Variants in TLE4 observed in about 807,000 individuals in gnomAD.
TLE4 encodes transducin-like enhancer protein 4.
Under a neutral mutation model 92.8 loss-of-function variants are expected in TLE4, and 8 were observed. The ratio of observed to expected loss-of-function variants is 0.09; its 90% CI spans 0.05 to 0.16. TLE4 has a LOEUF of 0.16. Ranked by LOEUF, TLE4 falls within the 10% of genes least tolerant of loss-of-function variation. The probability of loss-of-function intolerance (pLI) is 1.00; values close to 1 mark genes in which losing one functional copy is unlikely to be tolerated. For missense variants in TLE4, 675 were observed against 997.6 expected (o/e 0.68, Z 4.36); for synonymous variants, 371 against 374.1 (o/e 0.99, Z 0.10).
At chr9:79,681,984 C>T (rs2064790205) in intron 8 of TLE4, among the ~76,000 whole-genome samples, 1 of 151,836 alleles carries the variant, frequency 6.6e-6, no homozygotes, top group African/African-American at 2.4e-5. Context: ...TTAGTTTGAA[C>T]TTACCTCACT....
intron 14 of TLE4, among the ~76,000 whole-genome samples, chr9:79,718,368 G>A (rs1156538720): frequency 6.6e-6 from 1 of 152,158 alleles, no homozygotes; most frequent in East Asian, 1.9e-4. Flanking sequence ...GGTTTATAGG[G>A]CATCCCTGAA....
chr9:79,670,209 GA>G (rs921565739), intron 8 of TLE4, among the ~76,000 whole-genome samples: 16 of 149,910 alleles, frequency 1.1e-4, no homozygotes, highest in African/African-American at 2.7e-4. Context: ...AAAAAAGAAA[GA>G]AAAAAAAACT....
At chr9:79,587,172 A>G (rs1343313594) in intron 4 of TLE4, among the ~76,000 whole-genome samples, 5 of 152,260 alleles carry the variant, frequency 3.3e-5, no homozygotes, top group Non-Finnish European at 7.3e-5. Flanking sequence ...TGAATGATGG[A>G]ACAGCTAAAG....
At chr9:79,576,352 A>G in intron 4 of TLE4, 175 bp downstream of exon 4, 1 of 391,792 alleles carries the variant, frequency 2.6e-6, no homozygotes, top group Non-Finnish European at 4.6e-6. Flanking sequence ...TTTCTTTCAT[A>G]TTATCCTAAT....
At chr9:79,711,546 G>T (rs536314467) in intron 14 of TLE4, among the ~76,000 whole-genome samples, 1 of 152,248 alleles carries the variant, frequency 6.6e-6, no homozygotes, top group South Asian at 2.1e-4. Context: ...GTAACCAACA[G>T]TTGTACCCAG....
Position 79,668,400 on chromosome 9 carries a change from C to T in TLE4, c.609+14325C>T, listed in dbSNP as rs556877897. 1.4e-4 allele frequency among the ~76,000 whole-genome samples: 21 copies of T among 152,276 alleles called. No homozygotes were observed. The South Asian group carries it at 1.5e-3, about 11-fold the overall frequency. On this transcript the variant is annotated intron_variant, in intron 8 of 19. Transcript: ENST00000376552. ...CTGACTGAAGTGGAGGATGTCGGAACGTATCTAGATGGGAAGTGGAAGGTG... is the reference window on the plus strand; with the variant it reads ...CTGACTGAAGTGGAGGATGTCGGAATGTATCTAGATGGGAAGTGGAAGGTG...
intron 5 of TLE4, among the ~76,000 whole-genome samples, chr9:79,625,626 A>G (rs1016266447): frequency 2.1e-4 from 32 of 152,216 alleles, no homozygotes; most frequent in African/African-American, 6.5e-4. Flanking sequence ...ATTGTCTTCA[A>G]TGTGAACATG....
At chr9:79,605,068 C>T (rs934009497) in intron 4 of TLE4, among the ~76,000 whole-genome samples, 1 of 151,990 alleles carries the variant, frequency 6.6e-6, no homozygotes, top group African/African-American at 2.4e-5. Context: ...AAATGTAAAG[C>T]AGGCAGCTGG....
At position 79,708,585 on chromosome 9, in the gene TLE4, G is replaced by A; in HGVS notation, c.1070-8G>A. ...CTTCATTTTTCTTCCATCCATTTTGGTTTGCAGCCTCAAGCCTAAGGACCC... is the reference window on the plus strand; with the variant it reads ...CTTCATTTTTCTTCCATCCATTTTGATTTGCAGCCTCAAGCCTAAGGACCC... On this transcript the variant is annotated splice_region_variant and splice_polypyrimidine_tract_variant and intron_variant, in intron 12 of 19. Transcript: ENST00000376552. 6.2e-7 allele frequency: 1 copy of A among 1,604,214 alleles called. No individual in the cohort carries two copies. Among genetic ancestry groups the A allele is most frequent in the Non-Finnish European group, 8.5e-7 (1 of 1,174,582 alleles).
At chr9:79,673,974 A>G (rs1474603570) in intron 8 of TLE4, among the ~76,000 whole-genome samples, 2 of 152,086 alleles carry the variant, frequency 1.3e-5, no homozygotes, top group Non-Finnish European at 2.9e-5. Flanking sequence ...CCCTGGGTTC[A>G]GAACCCAGGG....
At chr9:79,611,936 TAAAAA>T (rs34106000) in intron 4 of TLE4, among the ~76,000 whole-genome samples, 7 of 78,424 alleles carry the variant, frequency 8.9e-5, no homozygotes, top group African/African-American at 1.7e-4. Context: ...ATATCCACAG[TAAAAA>T]AAAAAAAAAA....
intron 8 of TLE4, among the ~76,000 whole-genome samples, chr9:79,698,537 G>T (rs2068868960): frequency 1.3e-5 from 2 of 152,112 alleles, no homozygotes; most frequent in Admixed American, 1.3e-4. Context: ...TTTTGAAGGT[G>T]AGTTTTGATT....
Position 79,572,804 on chromosome 9 carries a change from T to G in TLE4, c.14T>G (p.Leu5Arg), listed in dbSNP as rs780405285. Residue 5 changes from leucine (L) to arginine (R), a missense_variant, in exon 1 of 20, where the codon CTG becomes CGG. Leu to Arg is a moderately radical substitution (Grantham distance 102). Coordinates refer to ENST00000376552, the MANE Select transcript of TLE4 (RefSeq NM_007005.6). Reference sequence around the variant, plus strand: ...AAATCGGCTTGGATGATTCGCGACCTGAGCAAGATGTACCCGCAGACCAGA... The same window carrying G: ...AAATCGGCTTGGATGATTCGCGACCGGAGCAAGATGTACCCGCAGACCAGA... MIRD[L>R]SKMYPQTRHP... is the part of the protein sequence containing the mutation. 1 of 1,600,836 alleles carries G rather than the reference T, an allele frequency of 6.2e-7. No individual in the cohort carries two copies. Among genetic ancestry groups the G allele is most frequent in the Non-Finnish European group, 8.5e-7 (1 of 1,174,488 alleles).
At chr9:79,666,213 T>G (rs1322041247) in intron 8 of TLE4, among the ~76,000 whole-genome samples, 866 of 47,170 alleles carry the variant, frequency 0.018, 9 homozygotes, top group Middle Eastern at 0.05. Context: ...GGTTTTTTTT[T>G]TTTGTTTTTT....
At chr9:79,652,280 G>T (rs1024283264) in intron 6 of TLE4, among the ~76,000 whole-genome samples, 1 of 151,790 alleles carries the variant, frequency 6.6e-6, no homozygotes, top group Admixed American at 6.6e-5. Context: ...TCCACCTCCC[G>T]GGTTCACGCC....
In TLE4 at chr9:79,725,482, C is replaced by T. The variant is rs564915147; in HGVS notation, c.*338C>T. 3 of 184,510 alleles carry T rather than the reference C, an allele frequency of 1.6e-5. No individual in the cohort carries two copies. Among genetic ancestry groups the T allele is most frequent in the African/African-American group, 2.4e-5 (1 of 41,836 alleles). The allele number at this position is 184,510 out of a possible 1,614,324, so 11.4% of individuals were successfully genotyped here. On this transcript the variant is annotated 3_prime_UTR_variant, in exon 20 of 20. Transcript: ENST00000376552. ...ACAATGACTGACTAAATAAAGCTGT[C>T]TGCTCCTGCATTGATAATGAAGGTG...
intron 6 of TLE4, among the ~76,000 whole-genome samples, chr9:79,642,001 G>A (rs114019815): frequency 6.0e-5 from 9 of 151,108 alleles, no homozygotes; most frequent in Admixed American, 1.3e-4. Flanking sequence ...AAATATTAGC[G>A]TATGTTGCAC....
intron 5 of TLE4, among the ~76,000 whole-genome samples, chr9:79,614,996 T>C (rs2049188087): frequency 6.6e-6 from 1 of 152,206 alleles, no homozygotes; most frequent in Non-Finnish European, 1.5e-5. Flanking sequence ...TTTAATTTAC[T>C]CATCTTTTTC....
intron 8 of TLE4, among the ~76,000 whole-genome samples, chr9:79,673,275 A>C: frequency 6.6e-6 from 1 of 152,196 alleles, no homozygotes; most frequent in East Asian, 1.9e-4. Flanking sequence ...TTGTTTTGGG[A>C]GATGTACAAA....
Sources: gnomAD v4.1 joint callset for allele counts (sites outside exome capture counted in the v4.1 genomes callset) on GRCh38, gnomAD v4.1.1 for gene constraint, MANE v1.5 for transcripts, NCBI Gene and HGNC (gene_info 2026-07-23, HGNC 2026-07-21) for gene names.